Variants in NKAIN2 observed in about 807,000 individuals in gnomAD.
The protein encoded by NKAIN2 is sodium/potassium transporting ATPase interacting 2, also known as sodium/potassium-transporting ATPase subunit beta-1-interacting protein 2.
NKAIN2 carries 14 observed loss-of-function variants against 32.6 expected under a neutral mutation model. The ratio of observed to expected loss-of-function variants is 0.43; its 90% CI spans 0.28 to 0.67. The LOEUF is 0.67. Ranked by LOEUF, NKAIN2 falls within the 30% of genes least tolerant of loss-of-function variation. The probability of loss-of-function intolerance (pLI) is 0.17; values close to 1 mark genes in which losing one functional copy is unlikely to be tolerated. For missense variants in NKAIN2, 198 were observed against 258.3 expected, an observed-to-expected ratio of 0.77 and a Z score of 1.60; for synonymous variants, 80 against 87.2, an observed-to-expected ratio of 0.92 and a Z score of 0.46.
chr6:124,613,697 G>T (rs1339899593), intron 3 of NKAIN2, among the ~76,000 whole-genome samples: 1 of 152,124 alleles, frequency 6.6e-6, no homozygotes, highest in Non-Finnish European at 1.5e-5. Context: ...TACCTAGTGA[G>T]TTCTTACCTT....
chr6:124,388,528 C>G (rs1001243413), intron 3 of NKAIN2, among the ~76,000 whole-genome samples: 7 of 152,060 alleles, frequency 4.6e-5, no homozygotes, highest in African/African-American at 1.7e-4. Context: ...CAAATTATTT[C>G]ACTCCTCCCC....
chr6:123,857,505 A>C (rs534980848), intron 1 of NKAIN2, among the ~76,000 whole-genome samples: 1 of 152,194 alleles, frequency 6.6e-6, no homozygotes, highest in Non-Finnish European at 1.5e-5. Context: ...ATAATAATTG[A>C]AAATTTTTAT....
rs146356424 is a variant in NKAIN2, at chr6:124,093,074, A to G, written c.55-189931A>G. On this transcript the variant is annotated intron_variant, in intron 1 of 6. Transcript: ENST00000368417. ...CTTAAATGTTATAAATGTTGTACATATCTTAGCTGCATGATTTCCTCTGGG... is the reference window on the plus strand; with the variant it reads ...CTTAAATGTTATAAATGTTGTACATGTCTTAGCTGCATGATTTCCTCTGGG... Among the ~76,000 whole-genome samples, 1,067 of 152,236 alleles carry G rather than the reference A, an allele frequency of 7.0e-3. 12 individuals are homozygous for G. The highest frequency in any genetic ancestry group is 0.025 in the African/African-American group (1,034 of 41,562).
At chr6:123,853,361 G>A (rs1775429524) in intron 1 of NKAIN2, among the ~76,000 whole-genome samples, 1 of 152,126 alleles carries the variant, frequency 6.6e-6, no homozygotes, top group African/African-American at 2.4e-5. Context: ...AAAATTGAAT[G>A]GTCTCTTTGG....
intron 1 of NKAIN2, among the ~76,000 whole-genome samples, chr6:124,279,660 T>C (rs1795204695): frequency 6.6e-6 from 1 of 152,016 alleles, no homozygotes; most frequent in South Asian, 2.1e-4. Context: ...CCAAATAAAA[T>C]TTTATTTTGT....
intron 3 of NKAIN2, among the ~76,000 whole-genome samples, chr6:124,572,595 G>C (rs956510433): frequency 2.6e-5 from 4 of 152,034 alleles, no homozygotes; most frequent in Non-Finnish European, 5.9e-5. Flanking sequence ...AAAAAGAGAA[G>C]CTGCCTATCA....
intron 3 of NKAIN2, among the ~76,000 whole-genome samples, chr6:124,363,743 TA>T (rs1202105612): frequency 6.6e-6 from 1 of 152,144 alleles, no homozygotes; most frequent in African/African-American, 2.4e-5. Context: ...ATAAACTGAT[TA>T]CCCATCACTT....
intron 1 of NKAIN2, among the ~76,000 whole-genome samples, chr6:123,905,705 C>T (rs1774832082): frequency 6.6e-6 from 1 of 151,662 alleles, no homozygotes; most frequent in African/African-American, 2.4e-5. Context: ...ATATTTCTGA[C>T]TCAGATAAAA....
At chr6:123,839,758 A>T (rs1464689671) in intron 1 of NKAIN2, among the ~76,000 whole-genome samples, 1 of 152,112 alleles carries the variant, frequency 6.6e-6, no homozygotes, top group Non-Finnish European at 1.5e-5. Context: ...ATTCATGGGT[A>T]TTTATCTAGG....
At position 123,942,080 on chromosome 6, in the gene NKAIN2, G is replaced by T. The variant is rs534127740; in HGVS notation, c.54+137826G>T. Among the ~76,000 whole-genome samples the T allele has an allele frequency of 2.6e-5, 4 of 152,010 alleles. No homozygotes were observed. The East Asian group carries it at 5.8e-4, about 22-fold the overall frequency. ...TCATCATTTTATGTGTCTAAAATTA[G>T]ATCACTTTATTTTTTACGTATTGCT... On this transcript the variant is annotated intron_variant, in intron 1 of 6. Coordinates refer to ENST00000368417, the MANE Select transcript of NKAIN2 (RefSeq NM_001040214.3).
chr6:124,206,241 G>C (rs769571662), intron 1 of NKAIN2, among the ~76,000 whole-genome samples: 20 of 151,692 alleles, frequency 1.3e-4, no homozygotes, highest in South Asian at 2.1e-4. Context: ...TTGTTTCTTG[G>C]TATTTTTTTC....
chr6:124,304,529 G>A (rs537586853), intron 2 of NKAIN2, among the ~76,000 whole-genome samples: 4 of 152,320 alleles, frequency 2.6e-5, no homozygotes, highest in African/African-American at 9.6e-5. Flanking sequence ...TGAAAGAGTA[G>A]TGTCATGAAA....
chr6:124,471,496 G>A (rs973930085), intron 3 of NKAIN2, among the ~76,000 whole-genome samples: 3 of 152,040 alleles, frequency 2.0e-5, no homozygotes, highest in African/African-American at 7.2e-5. Flanking sequence ...ATAGTCTCAA[G>A]ATGATTACAT....
At chr6:124,526,770 G>C (rs1779330236) in intron 3 of NKAIN2, among the ~76,000 whole-genome samples, 1 of 152,114 alleles carries the variant, frequency 6.6e-6, no homozygotes, top group South Asian at 2.1e-4. Context: ...TTATTTATGA[G>C]TCAAAGAAAT....
At chr6:124,099,253 G>A (rs543657190) in intron 1 of NKAIN2, among the ~76,000 whole-genome samples, 10 of 152,050 alleles carry the variant, frequency 6.6e-5, no homozygotes, top group Non-Finnish European at 1.5e-4. Flanking sequence ...TTTAATTCCT[G>A]TAATAATATG....
intron 4 of NKAIN2, among the ~76,000 whole-genome samples, chr6:124,752,364 T>C (rs190877488): frequency 9.2e-5 from 14 of 152,218 alleles, no homozygotes; most frequent in African/African-American, 2.9e-4. Context: ...AAACATACTT[T>C]AGGCATTAAG....
chr6:124,477,728 C>T, intron 3 of NKAIN2, among the ~76,000 whole-genome samples: 1 of 46,230 alleles, frequency 2.2e-5, no homozygotes, highest in Non-Finnish European at 4.5e-5. Flanking sequence ...TCCCCCTTCC[C>T]CCTCCCTCTC....
chr6:124,656,550 G>A (rs572587998), intron 3 of NKAIN2, among the ~76,000 whole-genome samples: 5 of 152,038 alleles, frequency 3.3e-5, no homozygotes, highest in South Asian at 4.2e-4. Context: ...AAAGTGTCTC[G>A]AGACACTTTT....
chr6:123,894,206 T>A (rs1774163967), intron 1 of NKAIN2, among the ~76,000 whole-genome samples: 1 of 152,190 alleles, frequency 6.6e-6, no homozygotes, highest in Non-Finnish European at 1.5e-5. Context: ...AGCCCTGAGC[T>A]GTCCTGTTCA....
Sources: allele counts gnomAD v4.1 joint callset (sites outside exome capture counted in the v4.1 genomes callset), GRCh38; gene constraint gnomAD v4.1.1; transcripts MANE v1.5; gene names NCBI Gene and HGNC (gene_info 2026-07-23, HGNC 2026-07-21).